The following ADAM2 variants were observed in gnomAD, a reference collection of about 807,000 sequenced individuals.
The protein encoded by ADAM2 is disintegrin and metalloproteinase domain-containing protein 2.
A neutral mutation model predicts 99.3 loss-of-function variants in ADAM2; 101 were observed. That is an observed-to-expected ratio of 1.02 (90% confidence interval 0.87 to 1.20). The LOEUF (loss-of-function observed/expected upper bound fraction) is 1.20. ADAM2 is among the 50% of genes most tolerant of loss of function. The pLI is 0.00. For missense variants in ADAM2, 948 were observed against 878.7 expected (o/e 1.08, Z -1.00); for synonymous variants, 323 against 287.6 (o/e 1.12, Z -1.25).
At chr8:39,799,796 CTTT>C (rs1475641782) in intron 7 of ADAM2, among the ~76,000 whole-genome samples, 1 of 152,182 alleles carries the variant, frequency 6.6e-6, no homozygotes, top group Non-Finnish European at 1.5e-5. Flanking sequence ...TAGTGTCCTT[CTTT>C]GTCTTTTCTG....
At chr8:39,788,329 T>G in intron 8 of ADAM2, 78 bp from the exon 9 acceptor site, 1 of 902,470 alleles carries the variant, frequency 1.1e-6, no homozygotes, top group Non-Finnish European at 1.6e-6. Context: ...GAAAACAAAT[T>G]TATGATAAAT....
intron 7 of ADAM2, among the ~76,000 whole-genome samples, chr8:39,808,785 G>A (rs968977718): frequency 2.0e-5 from 3 of 152,098 alleles, no homozygotes; most frequent in Non-Finnish European, 4.4e-5. Context: ...GCATGGTGGT[G>A]TGTGCCTGTA....
At chr8:39,758,409 CAAAG>C (rs1420181920) in intron 15 of ADAM2, among the ~76,000 whole-genome samples, 2 of 151,362 alleles carry the variant, frequency 1.3e-5, no homozygotes, top group African/African-American at 2.4e-5. Context: ...GAGACAGAGA[CAAAG>C]AGATAGAAAA....
intron 3 of ADAM2, among the ~76,000 whole-genome samples, chr8:39,833,246 A>T (rs1046369918): frequency 6.6e-5 from 10 of 152,252 alleles, no homozygotes; most frequent in Admixed American, 1.3e-4. Flanking sequence ...CGTCCATCTT[A>T]TAAATAGAAA....
intron 7 of ADAM2, among the ~76,000 whole-genome samples, chr8:39,805,164 A>G (rs1487596434): frequency 6.6e-6 from 1 of 152,148 alleles, no homozygotes; most frequent in African/African-American, 2.4e-5. Flanking sequence ...CATCAATCCC[A>G]TTCATGAGGG....
At chr8:39,784,759 T>G (rs1417706430) in intron 10 of ADAM2, among the ~76,000 whole-genome samples, 2 of 152,190 alleles carry the variant, frequency 1.3e-5, no homozygotes, top group African/African-American at 4.8e-5. Flanking sequence ...ACCATAAGTA[T>G]AAGTCACATT....
rs189626431 is a variant in ADAM2 at position 39,824,487 on chromosome 8, C to A, written c.267+332G>T. Among the ~76,000 whole-genome samples, 416 of 152,158 alleles carry A rather than the reference C, an allele frequency of 2.7e-3. 2 individuals are homozygous for A. Among genetic ancestry groups the A allele is most frequent in the Non-Finnish European group, 4.6e-3 (313 of 67,986 alleles). On this transcript the variant is annotated intron_variant, in intron 4 of 20. Transcript: ENST00000265708. Reference sequence around the variant, plus strand: ...AACATACTTCAAAGAAGATTAGATTCTTATTTTCTCCTCAGATTTAGCTTT... The same window carrying A: ...AACATACTTCAAAGAAGATTAGATTATTATTTTCTCCTCAGATTTAGCTTT...
chr8:39,805,359 C>T (rs1030843780), intron 7 of ADAM2, among the ~76,000 whole-genome samples: 1 of 152,114 alleles, frequency 6.6e-6, no homozygotes, highest in African/African-American at 2.4e-5. Context: ...TTAAAAATAT[C>T]TAGTTTACAA....
rs1341650030 is a variant in ADAM2 at position 39,752,927 on chromosome 8, T to C, written c.1797+2801A>G. Reference sequence around the variant, plus strand: ...TGAGTCCATTAAATCTTGTTTTCTATATAAATTACCCAGTTTCAGGCATGT... The same window carrying C: ...TGAGTCCATTAAATCTTGTTTTCTACATAAATTACCCAGTTTCAGGCATGT... On this transcript the variant is annotated intron_variant, in intron 16 of 20. Transcript: ENST00000265708. 3.3e-5 allele frequency among the ~76,000 whole-genome samples: 5 copies of C among 152,282 alleles called. No homozygotes were observed. In the East Asian group the frequency reaches 5.8e-4, roughly 18 times the overall value.
intron 7 of ADAM2, among the ~76,000 whole-genome samples, chr8:39,793,962 G>A (rs1265517151): frequency 6.6e-6 from 1 of 152,132 alleles, no homozygotes; most frequent in African/African-American, 2.4e-5. Context: ...AAAAGGAAGA[G>A]GGCAACGACA....
chr8:39,783,675 G>T (rs973030901), intron 10 of ADAM2, among the ~76,000 whole-genome samples: 1 of 152,154 alleles, frequency 6.6e-6, no homozygotes, highest in African/African-American at 2.4e-5. Context: ...TTTAAGGCCA[G>T]GCACAGTGGC....
intron 7 of ADAM2, among the ~76,000 whole-genome samples, chr8:39,799,385 G>T (rs1166968045): frequency 1.3e-5 from 2 of 152,148 alleles, no homozygotes; most frequent in African/African-American, 4.8e-5. Flanking sequence ...TAATTTGATG[G>T]CACTGTGGTC....
At chr8:39,755,425 A>T (rs1802108667) in intron 16 of ADAM2, among the ~76,000 whole-genome samples, 1 of 152,244 alleles carries the variant, frequency 6.6e-6, no homozygotes, top group Non-Finnish European at 1.5e-5. Context: ...CTGTAATCCC[A>T]GCACTTCAGG....
At chr8:39,816,583 G>A (rs1374606321) in intron 6 of ADAM2, among the ~76,000 whole-genome samples, 4 of 152,112 alleles carry the variant, frequency 2.6e-5, no homozygotes, top group East Asian at 1.9e-4. Context: ...ATATGACCAC[G>A]AGTGGTATAT....
chr8:39,812,390 A>T (rs920669323), intron 6 of ADAM2, among the ~76,000 whole-genome samples: 5 of 152,232 alleles, frequency 3.3e-5, no homozygotes, highest in African/African-American at 1.2e-4. Flanking sequence ...CCATCAAGCT[A>T]CTAATGACTT....
At chr8:39,785,180 T>C (rs1015874905) in intron 10 of ADAM2, among the ~76,000 whole-genome samples, 1 of 152,236 alleles carries the variant, frequency 6.6e-6, no homozygotes, top group Non-Finnish European at 1.5e-5. Flanking sequence ...CCTTATAGTC[T>C]GAGGAGTTAC....
intron 10 of ADAM2, among the ~76,000 whole-genome samples, chr8:39,782,369 A>G (rs10958566): frequency 0.73 from 110,263 of 152,022 alleles, 40,995 homozygotes; most frequent in African/African-American, 0.89. Flanking sequence ...ATATATTGCA[A>G]AATTCTTTTT....
In ADAM2 at chr8:39,837,446, G is replaced by A. The variant is rs139526563; in HGVS notation, c.56-234C>T. On this transcript the variant is annotated intron_variant, in intron 1 of 20. Coordinates refer to ENST00000265708, the MANE Select transcript of ADAM2 (RefSeq NM_001464.5). ...CCCAGGCCCAGGCTGGAGTGCAGTG[G>A]TGAGATCTCTGCTCACTGCAACCTC... Among the ~76,000 whole-genome samples, 645 of 151,866 alleles carry A rather than the reference G, an allele frequency of 4.2e-3. 6 individuals carry two copies. The highest frequency in any genetic ancestry group is 0.015 in the African/African-American group (620 of 41,358).
intron 19 of ADAM2, among the ~76,000 whole-genome samples, chr8:39,745,963 T>G (rs1202263038): frequency 6.6e-6 from 1 of 151,850 alleles, no homozygotes; most frequent in Non-Finnish European, 1.5e-5. Flanking sequence ...ATTGCAATTA[T>G]TATATGTGTA....
Sources: gnomAD v4.1 joint callset for allele counts (sites outside exome capture counted in the v4.1 genomes callset) on GRCh38, gnomAD v4.1.1 for gene constraint, MANE v1.5 for transcripts, NCBI Gene and HGNC (gene_info 2026-07-23, HGNC 2026-07-21) for gene names.